The following ENTREP2 variants were observed in gnomAD, a reference collection of about 807,000 sequenced individuals.
ENTREP2 encodes endosomal transmembrane epsin interactor 2.
At chr15:29,405,485 A>G in the ENTREP2 span, among the ~76,000 whole-genome samples, 1 of 151,844 alleles carries the variant, frequency 6.6e-6, no homozygotes, top group Non-Finnish European at 1.5e-5. Context: ...TAAGTCCCAC[A>G]TCTTCCAGCT....
the ENTREP2 span, chr15:29,129,006 A>G: frequency 1.5e-5 from 9 of 608,622 alleles, no homozygotes; most frequent in Admixed American, 1.5e-4. Flanking sequence ...CTTCTCCCCT[A>G]CATTTATGAG....
the ENTREP2 span, among the ~76,000 whole-genome samples, chr15:29,353,823 GA>G: frequency 6.6e-6 from 1 of 152,192 alleles, no homozygotes; most frequent in Non-Finnish European, 1.5e-5. Context: ...TACCAGTGGG[GA>G]GACTGAGGCA....
chr15:29,511,839 C>G, the ENTREP2 span, among the ~76,000 whole-genome samples: 1 of 147,194 alleles, frequency 6.8e-6, no homozygotes, highest in South Asian at 2.3e-4. Flanking sequence ...CTGTAAGGCA[C>G]ACCACAAGAG....
At chr15:29,420,212 A>G in the ENTREP2 span, among the ~76,000 whole-genome samples, 33,203 of 152,156 alleles carry the variant, frequency 0.22, 3,967 homozygotes, top group Middle Eastern at 0.39. Context: ...TTTGGGGGCT[A>G]ATCAAGGAAG....
the ENTREP2 span, chr15:29,374,403 T>C: frequency 6.6e-6 from 1 of 152,168 alleles, no homozygotes; most frequent in Non-Finnish European, 1.5e-5. Flanking sequence ...CTTTACAGTA[T>C]ACAACTTTAA....
At chr15:29,200,269 G>A in the ENTREP2 span, among the ~76,000 whole-genome samples, 2 of 152,002 alleles carry the variant, frequency 1.3e-5, no homozygotes, top group Non-Finnish European at 1.5e-5. Context: ...TCCGCCTCCC[G>A]GGTTCAAGCG....
At chr15:29,154,415 T>C in the ENTREP2 span, among the ~76,000 whole-genome samples, 4 of 152,024 alleles carry the variant, frequency 2.6e-5, 1 homozygote, top group South Asian at 4.1e-4. Flanking sequence ...AAGTGCAATA[T>C]AGCCTTCATT....
the ENTREP2 span, among the ~76,000 whole-genome samples, chr15:29,654,128 A>C: frequency 2.0e-5 from 3 of 152,206 alleles, no homozygotes; most frequent in East Asian, 5.8e-4. Context: ...CCAAGGCCTA[A>C]AATCTTGTCC....
At chr15:29,490,525 G>T in the ENTREP2 span, among the ~76,000 whole-genome samples, 2 of 152,142 alleles carry the variant, frequency 1.3e-5, no homozygotes, top group Non-Finnish European at 2.9e-5. Flanking sequence ...AGAGCTGATT[G>T]GTCCGTTTTA....
chr15:29,512,047 A>G, the ENTREP2 span, among the ~76,000 whole-genome samples: 1 of 151,806 alleles, frequency 6.6e-6, no homozygotes, highest in Admixed American at 6.6e-5. Context: ...TAAACTTTCT[A>G]TGGTGAACGA....
At chr15:29,631,550 G>A in the ENTREP2 span, among the ~76,000 whole-genome samples, 1 of 152,222 alleles carries the variant, frequency 6.6e-6, no homozygotes, top group Non-Finnish European at 1.5e-5. Context: ...ATGTACATCT[G>A]CATGTGTGAA....
the ENTREP2 span, among the ~76,000 whole-genome samples, chr15:29,506,171 G>A: frequency 1.3e-5 from 2 of 152,060 alleles, no homozygotes; most frequent in East Asian, 1.9e-4. Flanking sequence ...AGAGATTGAA[G>A]ATTAACTTAA....
chr15:29,327,304 A>C, the ENTREP2 span, among the ~76,000 whole-genome samples: 1 of 152,170 alleles, frequency 6.6e-6, no homozygotes, highest in Admixed American at 6.5e-5. Context: ...CTTTAAAAGA[A>C]GGTGGCTGGG....
chr15:29,659,962 C>T, the ENTREP2 span, among the ~76,000 whole-genome samples: 1 of 151,988 alleles, frequency 6.6e-6, no homozygotes. Flanking sequence ...CCACACCTGG[C>T]TAATTTTTTT....
At chr15:29,530,530 G>A in the ENTREP2 span, among the ~76,000 whole-genome samples, 10 of 152,126 alleles carry the variant, frequency 6.6e-5, no homozygotes, top group South Asian at 2.1e-4. Context: ...GAACTCCAAC[G>A]TGTCTGGAAC....
chr15:29,386,324 T>G, the ENTREP2 span, among the ~76,000 whole-genome samples: 1 of 152,118 alleles, frequency 6.6e-6, no homozygotes, highest in African/African-American at 2.4e-5. Flanking sequence ...GACGATGCCG[T>G]GGAGATGGAG....
the ENTREP2 span, among the ~76,000 whole-genome samples, chr15:29,295,299 C>A: frequency 6.6e-6 from 1 of 152,206 alleles, no homozygotes. Context: ...AGTGGCATGG[C>A]CTCAGGGAGG....
At chr15:29,124,300 C>T in the ENTREP2 span, among the ~76,000 whole-genome samples, 708 of 152,338 alleles carry the variant, frequency 4.6e-3, 8 homozygotes, top group African/African-American at 0.016. Context: ...AGCGAAGGCC[C>T]GGCTTGCCCA....
At chr15:29,200,228 T>G in the ENTREP2 span, among the ~76,000 whole-genome samples, 2 of 152,210 alleles carry the variant, frequency 1.3e-5, no homozygotes, top group Non-Finnish European at 2.9e-5. Context: ...CAGGCTGGAG[T>G]GCAGTGGCAC....
Sources: gnomAD v4.1 joint callset for allele counts (sites outside exome capture counted in the v4.1 genomes callset) on GRCh38, gnomAD v4.1.1 for gene constraint, MANE v1.5 for transcripts, NCBI Gene and HGNC (gene_info 2026-07-23, HGNC 2026-07-21) for gene names.